Variants in KLHL4 observed in about 807,000 individuals in gnomAD.
KLHL4 encodes the protein kelch-like protein 4.
In KLHL4, 17 loss-of-function variants were observed where a neutral mutation model predicts 45.8. The ratio of observed to expected loss-of-function variants is 0.37; its 90% CI spans 0.25 to 0.56. The LOEUF (loss-of-function observed/expected upper bound fraction) is 0.56. Among genes scored for constraint, KLHL4 ranks in the 20% least tolerant of loss-of-function variants. The pLI is 0.79. For synonymous variants in KLHL4, 224 were observed against 189.9 expected (o/e 1.18, Z -1.47); for missense variants, 544 against 544.9 (o/e 1.00, Z 0.02).
At chrX:87,648,675 T>C (rs1923715553) in intron 9 of KLHL4, among the ~76,000 whole-genome samples, 1 of 111,562 alleles carries the variant, frequency 9.0e-6, no homozygotes, top group Non-Finnish European at 1.9e-5. Flanking sequence ...TTCTGATAAA[T>C]GTACCACTGA....
intron 5 of KLHL4, 97 bp from the exon 6 acceptor site, chrX:87,625,513 A>T: frequency 1.4e-6 from 1 of 731,439 alleles, no homozygotes; most frequent in Non-Finnish European, 2.0e-6. Flanking sequence ...TTACAGGTGT[A>T]CGCCACTGCG....
chrX:87,523,504 CA>C (rs902510589), intron 1 of KLHL4, among the ~76,000 whole-genome samples: 30 of 110,880 alleles, frequency 2.7e-4, no homozygotes, highest in African/African-American at 9.5e-4. Context: ...AATAAGTATT[CA>C]AAAAAATGAT....
chrX:87,619,706 T>A (rs191366744), intron 4 of KLHL4, among the ~76,000 whole-genome samples: 4,684 of 111,855 alleles, frequency 0.042, 253 homozygotes, highest in African/African-American at 0.15. Context: ...TTGCTCAAAA[T>A]GAACTTGTCT....
chrX:87,537,596 A>G (rs1459775180), intron 1 of KLHL4, among the ~76,000 whole-genome samples: 1 of 111,156 alleles, frequency 9.0e-6, no homozygotes, highest in Non-Finnish European at 1.9e-5. Context: ...ATGCCCTGTT[A>G]TCAAGGTATA....
At chrX:87,546,923 G>A (rs1018229938) in intron 1 of KLHL4, among the ~76,000 whole-genome samples, 1 of 112,673 alleles carries the variant, frequency 8.9e-6, no homozygotes, top group African/African-American at 3.2e-5. Context: ...TGCAAGGGGA[G>A]CATTTATTCA....
rs896143820 is a variant in KLHL4 at position 87,600,173 on chromosome X, C to T, written c.423-13704C>T. 2.7e-5 allele frequency among the ~76,000 whole-genome samples: 3 copies of T among 110,682 alleles called. No homozygotes were observed. The Admixed American group carries it at 2.9e-4, about 11-fold the overall frequency. ...GATAGGAGAGCTCTTGCTCTGAGTT[C>T]ACAGATCCGGTCATTTAAAAGTGTG... On this transcript the variant is annotated intron_variant, in intron 1 of 10. Coordinates refer to ENST00000373119, the MANE Select transcript of KLHL4 (RefSeq NM_019117.5).
intron 1 of KLHL4, among the ~76,000 whole-genome samples, chrX:87,552,693 T>TTATATATATCTATCTATATATA (rs1556022567): frequency 3.4e-5 from 3 of 88,920 alleles, no homozygotes; most frequent in African/African-American, 1.3e-4. Flanking sequence ...AACTGTTAAA[T>TTATATATATCTATCTATATATA]TATATATATA....
chrX:87,572,215 A>C (rs1569344341), intron 1 of KLHL4, among the ~76,000 whole-genome samples: 1 of 111,306 alleles, frequency 9.0e-6, no homozygotes, highest in East Asian at 2.8e-4. Flanking sequence ...TCACATTCAC[A>C]CAGTTCTAAA....
intron 9 of KLHL4, 108 bp downstream of exon 9, chrX:87,635,883 A>G (rs1046312901): frequency 5.2e-5 from 27 of 518,949 alleles, no homozygotes; most frequent in African/African-American, 7.1e-5. Context: ...TTCTATGCCC[A>G]CTGTAAGAAA....
chrX:87,569,696 A>T (rs751708030), intron 1 of KLHL4, among the ~76,000 whole-genome samples: 13 of 111,886 alleles, frequency 1.2e-4, no homozygotes, highest in Admixed American at 1.0e-3. Flanking sequence ...TGGAAACATT[A>T]TGCTAATTAA....
chrX:87,521,861 G>T (rs1931007982), intron 1 of KLHL4, among the ~76,000 whole-genome samples: 1 of 112,544 alleles, frequency 8.9e-6, no homozygotes, highest in East Asian at 2.8e-4. Context: ...AGGATCACAT[G>T]TGTGGTCCAT....
At chrX:87,522,832 C>A (rs1372011116) in intron 1 of KLHL4, among the ~76,000 whole-genome samples, 1 of 111,801 alleles carries the variant, frequency 8.9e-6, no homozygotes, top group Non-Finnish European at 1.9e-5. Flanking sequence ...ATTGCAAATC[C>A]TTGCTACTCA....
chrX:87,647,473 A>G (rs1334511608), intron 9 of KLHL4, among the ~76,000 whole-genome samples: 2 of 112,363 alleles, frequency 1.8e-5, no homozygotes, highest in Admixed American at 1.9e-4. Context: ...TTGCAAAAAT[A>G]TGGAACCAGC....
chrX:87,651,032 C>T (rs776151436), intron 9 of KLHL4, among the ~76,000 whole-genome samples: 29 of 112,254 alleles, frequency 2.6e-4, no homozygotes, highest in Non-Finnish European at 4.5e-4. Context: ...GTTACTTAGA[C>T]TATTTATCTT....
chrX:87,598,625 T>C (rs779404063), intron 1 of KLHL4, among the ~76,000 whole-genome samples: 1 of 111,451 alleles, frequency 9.0e-6, no homozygotes, highest in Admixed American at 9.6e-5. Context: ...AATTTACCAA[T>C]CTAGGAAAGA....
At chrX:87,633,970 G>A in intron 8 of KLHL4, 59 bp downstream of exon 8, 1 of 961,398 alleles carries the variant, frequency 1.0e-6, no homozygotes, top group Non-Finnish European at 1.4e-6. Flanking sequence ...TAGAACTTCG[G>A]TGACATGATC....
rs1233526239 is a variant in KLHL4 at position 87,607,961 on chromosome X, C to G, written c.423-5916C>G. Among the ~76,000 whole-genome samples, 3 of 111,331 alleles carry G rather than the reference C, an allele frequency of 2.7e-5. No individual in the cohort carries two copies. In the Admixed American group the frequency reaches 2.9e-4, roughly 11 times the overall value. Reference sequence around the variant, plus strand: ...CAAATCTAACATTCTCCTCAATTATCTCCCTGGAATTATAATAGGTATCAC... The same window carrying G: ...CAAATCTAACATTCTCCTCAATTATGTCCCTGGAATTATAATAGGTATCAC... On this transcript the variant is annotated intron_variant, in intron 1 of 10. Transcript: ENST00000373119.
At chrX:87,595,933 G>T (rs1383375452) in intron 1 of KLHL4, among the ~76,000 whole-genome samples, 1 of 111,419 alleles carries the variant, frequency 9.0e-6, no homozygotes, top group East Asian at 2.8e-4. Flanking sequence ...TTGGAGGTGG[G>T]GCCTGTTGGG....
At chrX:87,664,103 AAT>A (rs1414910718) in intron 9 of KLHL4, among the ~76,000 whole-genome samples, 2 of 111,619 alleles carry the variant, frequency 1.8e-5, no homozygotes, top group African/African-American at 6.5e-5. Context: ...ATTTCTAGAA[AAT>A]ATGTTAATAT....
Sources: gnomAD v4.1 joint callset for allele counts (sites outside exome capture counted in the v4.1 genomes callset) on GRCh38, gnomAD v4.1.1 for gene constraint, MANE v1.5 for transcripts, NCBI Gene and HGNC (gene_info 2026-07-23, HGNC 2026-07-21) for gene names.